The following ARHGAP32 variants were observed in gnomAD, a reference collection of about 807,000 sequenced individuals.
ARHGAP32 encodes rho GTPase-activating protein 32.
In ARHGAP32, 51 loss-of-function variants were observed where a neutral mutation model predicts 186.5. That is an observed-to-expected ratio of 0.27 (90% CI 0.22 to 0.35). The LOEUF is 0.35. Among genes scored for constraint, ARHGAP32 ranks in the 10% least tolerant of loss-of-function variants. The pLI is 1.00. For missense variants in ARHGAP32, 2,186 were observed against 2,623.5 expected, an observed-to-expected ratio of 0.83 and a Z score of 3.64; for synonymous variants, 950 against 964.3, an observed-to-expected ratio of 0.99 and a Z score of 0.27.
At position 129,001,411 on chromosome 11, in the gene ARHGAP32, C is replaced by T. The variant is rs574003532; in HGVS notation, c.1046-2943G>A. Reference sequence around the variant, plus strand: ...TATACACCTACTTGCCATTTGTATGCCTTCTTTTAAGAAATGGCTATTTGG... The same window carrying T: ...TATACACCTACTTGCCATTTGTATGTCTTCTTTTAAGAAATGGCTATTTGG... On this transcript the variant is annotated intron_variant, in intron 11 of 22. Coordinates refer to ENST00000682385, the MANE Select transcript of ARHGAP32 (RefSeq NM_001378024.1). Among the ~76,000 whole-genome samples the T allele has an allele frequency of 7.2e-5, 11 of 152,248 alleles. No homozygotes were observed. In the South Asian group the frequency reaches 1.9e-3, roughly 26 times the overall value.
chr11:129,136,453 A>G (rs1023255722), intron 2 of ARHGAP32, among the ~76,000 whole-genome samples: 3 of 152,324 alleles, frequency 2.0e-5, no homozygotes, highest in Middle Eastern at 3.4e-3. Flanking sequence ...AAAAAGTCAT[A>G]AAGCTGTAAG....
At chr11:129,053,437 T>C (rs1012329670) in intron 10 of ARHGAP32, among the ~76,000 whole-genome samples, 1 of 152,168 alleles carries the variant, frequency 6.6e-6, no homozygotes, top group East Asian at 1.9e-4. Flanking sequence ...TTTAAAATGA[T>C]AGTTTAGAAC....
At chr11:129,176,112 A>G (rs201992176) in intron 1 of ARHGAP32, among the ~76,000 whole-genome samples, 20,998 of 87,914 alleles carry the variant, frequency 0.24, 3,114 homozygotes, top group African/African-American at 0.35. Flanking sequence ...CAAATGGAAA[A>G]CAAAAAAAGG....
chr11:129,206,110 T>A (rs1944510847), intron 1 of ARHGAP32, among the ~76,000 whole-genome samples: 1 of 152,198 alleles, frequency 6.6e-6, no homozygotes, highest in African/African-American at 2.4e-5. Context: ...AATATAGTAT[T>A]TTTAAATAAA....
At chr11:128,987,778 C>T (rs921594444) in intron 13 of ARHGAP32, among the ~76,000 whole-genome samples, 2 of 152,074 alleles carry the variant, frequency 1.3e-5, no homozygotes, top group African/African-American at 4.8e-5. Flanking sequence ...TTGTTAAAAT[C>T]TTCAAACACT....
intron 5 of ARHGAP32, among the ~76,000 whole-genome samples, chr11:129,109,329 A>T (rs1942140075): frequency 6.6e-6 from 1 of 151,954 alleles, no homozygotes; most frequent in South Asian, 2.1e-4. Context: ...TTGATTCCAT[A>T]TCTTTGTTAT....
chr11:129,150,517 T>G (rs1354745552), intron 2 of ARHGAP32, among the ~76,000 whole-genome samples: 1 of 152,214 alleles, frequency 6.6e-6, no homozygotes, highest in African/African-American at 2.4e-5. Context: ...CCAGCAGATT[T>G]GTCAGAAGAA....
intron 5 of ARHGAP32, among the ~76,000 whole-genome samples, chr11:129,100,679 T>C (rs1941870516): frequency 6.6e-6 from 1 of 152,174 alleles, no homozygotes; most frequent in South Asian, 2.1e-4. Context: ...CCTGCCCTTA[T>C]ACTAACACTG....
chr11:129,268,716 AAAATTAGTTACT>A (rs1411609765), intron 1 of ARHGAP32, among the ~76,000 whole-genome samples: 1 of 147,714 alleles, frequency 6.8e-6, no homozygotes, highest in Non-Finnish European at 1.5e-5. Context: ...TCCATTCTTC[AAAATTAGTTACT>A]AAATAGAAGA....
At chr11:129,087,369 C>T (rs1019519950) in intron 6 of ARHGAP32, among the ~76,000 whole-genome samples, 3 of 152,088 alleles carry the variant, frequency 2.0e-5, no homozygotes, top group Non-Finnish European at 4.4e-5. Flanking sequence ...TGAATGAATA[C>T]ATAAAATGTG....
At chr11:129,183,843 T>C (rs1308169051) in intron 1 of ARHGAP32, among the ~76,000 whole-genome samples, 2 of 152,072 alleles carry the variant, frequency 1.3e-5, no homozygotes, top group African/African-American at 2.4e-5. Flanking sequence ...TCTCAAAACC[T>C]ATGAAAAAAA....
At chr11:129,060,619 G>A (rs1940462258) in intron 10 of ARHGAP32, among the ~76,000 whole-genome samples, 2 of 152,082 alleles carry the variant, frequency 1.3e-5, no homozygotes, top group Middle Eastern at 3.2e-3. Context: ...AGAAATCAGA[G>A]CACAGATGGA....
At chr11:129,109,779 T>C (rs1016039741) in intron 5 of ARHGAP32, among the ~76,000 whole-genome samples, 3 of 152,082 alleles carry the variant, frequency 2.0e-5, no homozygotes, top group Non-Finnish European at 4.4e-5. Context: ...TGTGTTTTTT[T>C]ATTTTTTGGT....
chr11:129,243,804 G>A (rs988251606), intron 1 of ARHGAP32, among the ~76,000 whole-genome samples: 2 of 152,068 alleles, frequency 1.3e-5, no homozygotes, highest in Non-Finnish European at 2.9e-5. Flanking sequence ...AAAGCCCAGC[G>A]AAAATGTCAT....
At chr11:129,203,509 A>G (rs1944480935) in intron 1 of ARHGAP32, among the ~76,000 whole-genome samples, 2 of 152,074 alleles carry the variant, frequency 1.3e-5, no homozygotes, top group African/African-American at 2.4e-5. Context: ...AACAGGCTAC[A>G]GTTAATTAAG....
At chr11:129,094,966 T>C (rs1333738307) in intron 5 of ARHGAP32, among the ~76,000 whole-genome samples, 2 of 150,998 alleles carry the variant, frequency 1.3e-5, no homozygotes, top group Non-Finnish European at 2.9e-5. Flanking sequence ...ACTTAATAAA[T>C]GTAATGTACC....
chr11:129,095,194 G>T (rs1941697199), intron 5 of ARHGAP32, among the ~76,000 whole-genome samples: 1 of 152,098 alleles, frequency 6.6e-6, no homozygotes, highest in Non-Finnish European at 1.5e-5. Flanking sequence ...AAACCTACAT[G>T]AACTAGTTTT....
intron 2 of ARHGAP32, 71 bp from the exon 3 acceptor site, chr11:129,124,965 AT>A: frequency 8.7e-7 from 1 of 1,151,068 alleles, no homozygotes; most frequent in Non-Finnish European, 1.2e-6. Context: ...GCAGGTTATA[AT>A]TTATGTTAAT....
In ARHGAP32 at chr11:128,972,471, T is replaced by A; in HGVS notation, c.4035A>T (p.Gly1345=). The change falls in exon 22 of 23, where the codon GGA becomes GGT. Residue 1345 remains glycine, a synonymous_variant. Transcript: ENST00000682385. ...TTCTTACCTTGTGGGAATTATTTAATCCTATATTGGTTGCTGCTTGTACCT... is the reference window on the plus strand; with the variant it reads ...TTCTTACCTTGTGGGAATTATTTAAACCTATATTGGTTGCTGCTTGTACCT... ...VGQVQAATNI[G]LNNSHKVQGV... 2.0e-6 allele frequency: 3 copies of A among 1,518,858 alleles called. No individual in the cohort carries two copies. Among genetic ancestry groups the A allele is most frequent in the South Asian group, 2.7e-5 (2 of 75,168 alleles). 94.1% of individuals were successfully genotyped at this position (1,518,858 alleles called of 1,614,324 possible).
Sources: allele counts gnomAD v4.1 joint callset (sites outside exome capture counted in the v4.1 genomes callset), GRCh38; gene constraint gnomAD v4.1.1; transcripts MANE v1.5; gene names NCBI Gene and HGNC (gene_info 2026-07-23, HGNC 2026-07-21).